Variants in WDR70 observed in about 807,000 individuals in gnomAD.
WDR70 encodes the protein WD repeat domain 70.
A neutral mutation model predicts 88.6 loss-of-function variants in WDR70; 53 were observed. That is an observed-to-expected ratio of 0.60 (90% CI 0.48 to 0.75). WDR70 has a LOEUF of 0.75. WDR70 is among the 30% of genes least tolerant of loss of function. The pLI, the probability that WDR70 is intolerant of heterozygous loss-of-function variation, is 0.00. For synonymous variants in WDR70, 280 were observed against 270.0 expected (o/e 1.04, Z -0.36); for missense variants, 610 against 823.2 (o/e 0.74, Z 3.17).
intron 7 of WDR70, among the ~76,000 whole-genome samples, chr5:37,456,052 A>G (rs993786692): frequency 9.5e-5 from 1 of 10,546 alleles, no homozygotes; most frequent in African/African-American, 9.7e-5. Flanking sequence ...TAAAGCTTCT[A>G]TAAATACTCC....
intron 3 of WDR70, among the ~76,000 whole-genome samples, chr5:37,386,601 T>G (rs1232628930): frequency 6.6e-6 from 1 of 152,208 alleles, no homozygotes; most frequent in Non-Finnish European, 1.5e-5. Flanking sequence ...GTGAAGCTTT[T>G]TATTTTTAAT....
intron 10 of WDR70, among the ~76,000 whole-genome samples, chr5:37,674,732 C>T (rs909355719): frequency 6.6e-6 from 1 of 151,750 alleles, no homozygotes; most frequent in Non-Finnish European, 1.5e-5. Flanking sequence ...ATTTATAATC[C>T]TTTGGGTATA....
At chr5:37,408,611 T>G (rs529383545) in intron 5 of WDR70, among the ~76,000 whole-genome samples, 1 of 152,272 alleles carries the variant, frequency 6.6e-6, no homozygotes, top group Non-Finnish European at 1.5e-5. Context: ...ATTTAATGCT[T>G]CCAATACAAA....
chr5:37,443,858 A>G lies in WDR70; in HGVS notation c.686+486A>G, dbSNP rs373363723. 2.5e-3 allele frequency among the ~76,000 whole-genome samples: 380 copies of G among 152,112 alleles called. 4 individuals carry two copies. Among genetic ancestry groups the G allele is most frequent in the African/African-American group, 8.5e-3 (351 of 41,482 alleles). The stretch of plus-strand genomic sequence containing the variant: ...AGAGAGAGACTCCATCTCAAAAAAA[A>G]TTACAAAAGGCTAGGCACAGTGGCG... On this transcript the variant is annotated intron_variant, in intron 7 of 17. Coordinates refer to ENST00000265107, the MANE Select transcript of WDR70 (RefSeq NM_018034.4).
intron 8 of WDR70, among the ~76,000 whole-genome samples, chr5:37,492,825 C>A (rs1740105090): frequency 6.6e-6 from 1 of 152,132 alleles, no homozygotes; most frequent in Non-Finnish European, 1.5e-5. Flanking sequence ...TTTAGCCTAT[C>A]AAGATGACAA....
chr5:37,470,218 T>A (rs1405318543), intron 7 of WDR70, among the ~76,000 whole-genome samples: 12 of 152,190 alleles, frequency 7.9e-5, no homozygotes, highest in Admixed American at 7.9e-4. Context: ...ACTAGTTTAT[T>A]CTGAGAATTT....
chr5:37,694,840 T>TATAATAATAATAATA (rs34298664), intron 10 of WDR70, among the ~76,000 whole-genome samples: 78 of 149,786 alleles, frequency 5.2e-4, no homozygotes, highest in African/African-American at 8.9e-4. Flanking sequence ...TAACTTAAAG[T>TATAATAATAATAATA]ATAATAATAA....
intron 5 of WDR70, among the ~76,000 whole-genome samples, chr5:37,419,308 C>T (rs13165381): frequency 0.17 from 26,143 of 150,776 alleles, 2,709 homozygotes; most frequent in East Asian, 0.37. Flanking sequence ...GGGGTTCAAG[C>T]GATTCTCCTG....
chr5:37,463,021 C>T (rs186729185), intron 7 of WDR70, among the ~76,000 whole-genome samples: 1 of 152,162 alleles, frequency 6.6e-6, no homozygotes, highest in East Asian at 1.9e-4. Flanking sequence ...TGCGTATAAT[C>T]CCAGCACTTT....
chr5:37,412,483 C>T (rs191702481), intron 5 of WDR70, among the ~76,000 whole-genome samples: 11 of 151,926 alleles, frequency 7.2e-5, no homozygotes, highest in Admixed American at 6.6e-4. Flanking sequence ...GAGGTTCTAA[C>T]TCATAATTAA....
At chr5:37,611,141 C>T (rs865903282) in intron 10 of WDR70, among the ~76,000 whole-genome samples, 6 of 152,256 alleles carry the variant, frequency 3.9e-5, no homozygotes, top group Middle Eastern at 3.4e-3. Context: ...CAATAATTTT[C>T]ACAATTTAAA....
chr5:37,579,906 G>T (rs1337074791), intron 9 of WDR70, among the ~76,000 whole-genome samples: 1 of 151,676 alleles, frequency 6.6e-6, no homozygotes, highest in Non-Finnish European at 1.5e-5. Flanking sequence ...TTTTAATTTT[G>T]CTGTCCTAGG....
chr5:37,724,090 T>G (rs1747900679), intron 15 of WDR70: 1 of 152,166 alleles, frequency 6.6e-6, no homozygotes, highest in South Asian at 2.1e-4. Flanking sequence ...GGGAAAAGTT[T>G]CTTTTAAAGG....
chr5:37,464,144 A>T (rs1180650385), intron 7 of WDR70, among the ~76,000 whole-genome samples: 1 of 152,232 alleles, frequency 6.6e-6, no homozygotes, highest in Non-Finnish European at 1.5e-5. Flanking sequence ...TAAAATAAAA[A>T]TAAATCATCA....
intron 14 of WDR70, chr5:37,722,473 C>G (rs757270138): frequency 5.8e-5 from 12 of 206,360 alleles, no homozygotes; most frequent in Admixed American, 1.1e-4. Context: ...GGGGTGTAGA[C>G]CACCCAGGTT....
chr5:37,405,982 G>T (rs1310773463), intron 5 of WDR70, among the ~76,000 whole-genome samples: 1 of 152,164 alleles, frequency 6.6e-6, no homozygotes. Flanking sequence ...AGTCAAAGTT[G>T]CAGTGAGCCA....
At chr5:37,666,342 A>G (rs1023524360) in intron 10 of WDR70, among the ~76,000 whole-genome samples, 7 of 152,216 alleles carry the variant, frequency 4.6e-5, no homozygotes, top group African/African-American at 1.7e-4. Context: ...GCAACTAAGG[A>G]GATCTACAGC....
chr5:37,583,212 GT>G (rs1295055751), intron 9 of WDR70, among the ~76,000 whole-genome samples: 1 of 152,130 alleles, frequency 6.6e-6, no homozygotes, highest in Non-Finnish European at 1.5e-5. Context: ...GGATCACGAG[GT>G]GAGGAGACTG....
chr5:37,585,225 C>T (rs572466424), intron 9 of WDR70, among the ~76,000 whole-genome samples: 14 of 151,988 alleles, frequency 9.2e-5, no homozygotes, highest in African/African-American at 3.4e-4. Flanking sequence ...CTCCTGACCT[C>T]GTGATCCTCC....
Sources: gnomAD v4.1 joint callset for allele counts (sites outside exome capture counted in the v4.1 genomes callset) on GRCh38, gnomAD v4.1.1 for gene constraint, MANE v1.5 for transcripts, NCBI Gene and HGNC (gene_info 2026-07-23, HGNC 2026-07-21) for gene names.